SUSD6: variants seen among roughly 807,000 people sequenced by gnomAD.
The protein encoded by SUSD6 is sushi domain-containing protein 6.
In SUSD6, 16 loss-of-function variants were observed where a neutral mutation model predicts 28.4. That is an observed-to-expected ratio of 0.56 (90% CI 0.38 to 0.86). SUSD6 has a LOEUF of 0.86. SUSD6 is among the 40% of genes least tolerant of loss of function. The pLI, the probability that SUSD6 is intolerant of heterozygous loss-of-function variation, is 0.00. For synonymous variants in SUSD6, 147 were observed against 159.6 expected (o/e 0.92, Z 0.59); for missense variants, 341 against 384.2 (o/e 0.89, Z 0.94).
At chr14:69,680,411 C>T (rs1469594926) in intron 2 of SUSD6, among the ~76,000 whole-genome samples, 1 of 152,194 alleles carries the variant, frequency 6.6e-6, no homozygotes. Context: ...TCATCTCTCA[C>T]CAGGCTCTTA....
At chr14:69,685,179 T>C (rs1886054280) in intron 2 of SUSD6, among the ~76,000 whole-genome samples, 1 of 152,170 alleles carries the variant, frequency 6.6e-6, no homozygotes, top group South Asian at 2.1e-4. Context: ...AGCTTGTCCT[T>C]TTGTGGTGGG....
intron 1 of SUSD6, among the ~76,000 whole-genome samples, chr14:69,623,548 C>G (rs1166998433): frequency 1.3e-5 from 2 of 152,116 alleles, no homozygotes; most frequent in African/African-American, 4.8e-5. Flanking sequence ...ATAGACTGTA[C>G]TCCTTCTACT....
chr14:69,686,736 T>C (rs931731413), intron 2 of SUSD6, among the ~76,000 whole-genome samples: 1 of 152,188 alleles, frequency 6.6e-6, no homozygotes, highest in African/African-American at 2.4e-5. Context: ...TTCACTATCA[T>C]GAGAACAGCA....
intron 2 of SUSD6, among the ~76,000 whole-genome samples, chr14:69,685,445 G>C (rs539700339): frequency 6.6e-6 from 1 of 152,174 alleles, no homozygotes; most frequent in African/African-American, 2.4e-5. Context: ...ATAGAGTTCG[G>C]GGAAACCCAG....
chr14:69,707,364 C>T (rs543576175), intron 4 of SUSD6, among the ~76,000 whole-genome samples: 3 of 152,058 alleles, frequency 2.0e-5, no homozygotes, highest in South Asian at 2.1e-4. Context: ...AAAAGATATC[C>T]GCATGAATAA....
intron 1 of SUSD6, among the ~76,000 whole-genome samples, chr14:69,651,203 G>A (rs1425732414): frequency 6.6e-6 from 1 of 152,142 alleles, no homozygotes; most frequent in East Asian, 1.9e-4. Flanking sequence ...CTGTGATCAG[G>A]TCCCTGCTGC....
chr14:69,648,855 T>C (rs1885464242), intron 1 of SUSD6, among the ~76,000 whole-genome samples: 1 of 152,214 alleles, frequency 6.6e-6, no homozygotes, highest in African/African-American at 2.4e-5. Context: ...CAGCATTCAG[T>C]GACTGTAGGC....
chr14:69,654,670 C>T (rs1885551630), intron 1 of SUSD6, among the ~76,000 whole-genome samples: 1 of 151,924 alleles, frequency 6.6e-6, no homozygotes, highest in Non-Finnish European at 1.5e-5. Context: ...GTACAACACT[C>T]AATATAGTAA....
intron 2 of SUSD6, among the ~76,000 whole-genome samples, chr14:69,671,610 G>A (rs1387068495): frequency 6.6e-6 from 1 of 152,222 alleles, no homozygotes; most frequent in Non-Finnish European, 1.5e-5. Flanking sequence ...ATTGCTTGGG[G>A]AAGGGAGAAG....
intron 1 of SUSD6, among the ~76,000 whole-genome samples, chr14:69,637,535 CTCTT>C (rs1166394562): frequency 3.3e-5 from 5 of 152,218 alleles, no homozygotes; most frequent in African/African-American, 4.8e-5. Context: ...CTAAGGCTCT[CTCTT>C]TCTGAGCTGT....
intron 2 of SUSD6, among the ~76,000 whole-genome samples, chr14:69,675,637 C>T (rs1885896968): frequency 1.3e-5 from 2 of 152,142 alleles, no homozygotes; most frequent in Admixed American, 1.3e-4. Context: ...AACAGCTAAT[C>T]ACTATTGGCA....
At chr14:69,699,811 GCT>G in intron 2 of SUSD6, among the ~76,000 whole-genome samples, 4 of 151,976 alleles carry the variant, frequency 2.6e-5, no homozygotes, top group Admixed American at 2.6e-4. Context: ...AAAGAGAAGA[GCT>G]CTCTGCACAG....
chr14:69,697,722 C>CT (rs1886246646), intron 2 of SUSD6, among the ~76,000 whole-genome samples: 1 of 152,196 alleles, frequency 6.6e-6, no homozygotes, highest in Non-Finnish European at 1.5e-5. Context: ...AGTTTCTACT[C>CT]TTTTTCTTCT....
In SUSD6 at chr14:69,634,486, G is replaced by A. The variant is rs530349853; in HGVS notation, c.-81+22658G>A. On this transcript the variant is annotated intron_variant, in intron 1 of 5. Coordinates refer to ENST00000342745, the MANE Select transcript of SUSD6 (RefSeq NM_014734.4). ...AGTATCCTCCACTTCTGACTTGGTA[G>A]GGCTTTAAGCATCATGCTAACTTTT... Among the ~76,000 whole-genome samples, 5 of 152,302 alleles carry A rather than the reference G, an allele frequency of 3.3e-5. No homozygotes were observed. In the East Asian group the frequency reaches 5.8e-4, roughly 18 times the overall value.
At chr14:69,679,331 A>G (rs1368230233) in intron 2 of SUSD6, among the ~76,000 whole-genome samples, 1 of 152,190 alleles carries the variant, frequency 6.6e-6, no homozygotes, top group Non-Finnish European at 1.5e-5. Flanking sequence ...GCTATATGGC[A>G]TGTGTTGTGA....
intron 1 of SUSD6, among the ~76,000 whole-genome samples, chr14:69,614,392 G>C (rs1441815577): frequency 6.6e-6 from 1 of 152,188 alleles, no homozygotes; most frequent in Non-Finnish European, 1.5e-5. Flanking sequence ...ATGTAATGTT[G>C]CATCTCTCAG....
intron 2 of SUSD6, among the ~76,000 whole-genome samples, chr14:69,693,374 T>G (rs1249490743): frequency 6.6e-6 from 1 of 152,076 alleles, no homozygotes; most frequent in Non-Finnish European, 1.5e-5. Context: ...TAACAGGCCA[T>G]ATGGAGTCCA....
chr14:69,657,199 T>A (rs1885596258), intron 1 of SUSD6, among the ~76,000 whole-genome samples: 1 of 152,202 alleles, frequency 6.6e-6, no homozygotes, highest in African/African-American at 2.4e-5. Flanking sequence ...TTCACGCCTG[T>A]AATCCCAGCA....
At chr14:69,689,824 C>T (rs1237073017) in intron 2 of SUSD6, among the ~76,000 whole-genome samples, 2 of 152,160 alleles carry the variant, frequency 1.3e-5, no homozygotes, top group Admixed American at 6.5e-5. Flanking sequence ...TGCCACGTTG[C>T]CTGGCTAATT....
Sources: allele counts gnomAD v4.1 joint callset (sites outside exome capture counted in the v4.1 genomes callset), GRCh38; gene constraint gnomAD v4.1.1; transcripts MANE v1.5; gene names NCBI Gene and HGNC (gene_info 2026-07-23, HGNC 2026-07-21).